GRIP2: variants seen among roughly 807,000 people sequenced by gnomAD.
The protein encoded by GRIP2 is glutamate receptor interacting protein 2.
In GRIP2, 58 loss-of-function variants were observed where a neutral mutation model predicts 108.3. That is an observed-to-expected ratio of 0.54 (90% CI 0.43 to 0.67). The LOEUF (loss-of-function observed/expected upper bound fraction) is 0.67. Among genes scored for constraint, GRIP2 ranks in the 30% least tolerant of loss-of-function variants. GRIP2 has a pLI of 0.00. For missense variants in GRIP2, 1,278 were observed against 1,430.6 expected, an observed-to-expected ratio of 0.89 and a Z score of 1.72; for synonymous variants, 586 against 598.2, an observed-to-expected ratio of 0.98 and a Z score of 0.30.
the GRIP2 span, among the ~76,000 whole-genome samples, chr3:14,564,040 A>G: frequency 7.9e-5 from 12 of 152,302 alleles, no homozygotes; most frequent in African/African-American, 2.6e-4. Flanking sequence ...AGCAGCCCCA[A>G]GGGAGGCTAA....
the GRIP2 span, among the ~76,000 whole-genome samples, chr3:14,561,272 C>A: frequency 6.6e-6 from 1 of 152,240 alleles, no homozygotes; most frequent in Non-Finnish European, 1.5e-5. Flanking sequence ...GCAGATCAGC[C>A]CGGCTGGGAG....
chr3:14,532,491 C>G (rs1348556628), intron 1 of GRIP2, among the ~76,000 whole-genome samples: 1 of 152,164 alleles, frequency 6.6e-6, no homozygotes, highest in Non-Finnish European at 1.5e-5. Context: ...GGAAGCTGAG[C>G]AGCATCCTTG....
the GRIP2 span, among the ~76,000 whole-genome samples, chr3:14,567,610 C>T: frequency 6.6e-6 from 1 of 152,310 alleles, no homozygotes; most frequent in East Asian, 1.9e-4. Context: ...CAAGGATTTT[C>T]ATGAGGCCCT....
At chr3:14,594,087 C>A in the GRIP2 span, among the ~76,000 whole-genome samples, 2 of 152,322 alleles carry the variant, frequency 1.3e-5, no homozygotes, top group East Asian at 3.9e-4. Context: ...CCTAGACCTG[C>A]CTGTTCTCTG....
chr3:14,593,561 T>C, the GRIP2 span, among the ~76,000 whole-genome samples: 9 of 152,224 alleles, frequency 5.9e-5, no homozygotes, highest in African/African-American at 2.2e-4. Context: ...AAGATGACCC[T>C]GAACATGGGT....
intron 21 of GRIP2, among the ~76,000 whole-genome samples, chr3:14,498,782 G>A (rs1049309456): frequency 1.4e-4 from 22 of 152,160 alleles, no homozygotes; most frequent in Admixed American, 9.2e-4. Flanking sequence ...CTTCAAACAC[G>A]TAGAGATGAT....
the GRIP2 span, among the ~76,000 whole-genome samples, chr3:14,580,422 G>A: frequency 6.6e-6 from 1 of 152,184 alleles, no homozygotes; most frequent in Non-Finnish European, 1.5e-5. Context: ...TGGGCTGGAC[G>A]CAATGGTGCA....
chr3:14,541,890 A>T, upstream of GRIP2: 1 of 1,336,812 alleles, frequency 7.5e-7, no homozygotes. Context: ...GGCCACCGGT[A>T]CCCTGGCAGT....
At chr3:14,510,350 T>G (rs1167387419) in intron 16 of GRIP2, among the ~76,000 whole-genome samples, 1 of 149,790 alleles carries the variant, frequency 6.7e-6, no homozygotes, top group African/African-American at 2.5e-5. Context: ...GCCATACCTC[T>G]GCTTCCAGGG....
chr3:14,602,559 C>T, the GRIP2 span, among the ~76,000 whole-genome samples: 1 of 151,746 alleles, frequency 6.6e-6, no homozygotes, highest in African/African-American at 2.4e-5. This position sits in a 1 kb window ranked among gnomAD's most constrained non-coding sequence, Gnocchi z 4.7. Flanking sequence ...CCTCGCCAAG[C>T]CAGGGCTCCC....
the GRIP2 span, among the ~76,000 whole-genome samples, chr3:14,590,417 G>A: frequency 6.6e-6 from 1 of 152,124 alleles, no homozygotes; most frequent in Non-Finnish European, 1.5e-5. Flanking sequence ...TATACAAAAT[G>A]TTTTACTTTT....
At chr3:14,516,736 C>CA (rs889982629) in intron 11 of GRIP2, among the ~76,000 whole-genome samples, 1 of 152,078 alleles carries the variant, frequency 6.6e-6, no homozygotes, top group African/African-American at 2.4e-5. Context: ...GACTGAATGG[C>CA]AAAAAATGTG....
At chr3:14,560,606 TGGA>T (rs1200222746), upstream of GRIP2, among the ~76,000 whole-genome samples, 1 of 152,076 alleles carries the variant, frequency 6.6e-6, no homozygotes, top group Non-Finnish European at 1.5e-5. Flanking sequence ...TCTGGAGGTG[TGGA>T]GAAGCTGTGT....
chr3:14,495,972 C>T (rs1292048316), intron 22 of GRIP2, among the ~76,000 whole-genome samples: 1 of 151,972 alleles, frequency 6.6e-6, no homozygotes, highest in Non-Finnish European at 1.5e-5. Flanking sequence ...CTGTTGAAAC[C>T]CTGTCTCTAA....
upstream of GRIP2, chr3:14,540,391 C>T (rs752134168): frequency 2.5e-6 from 4 of 1,609,812 alleles, no homozygotes; most frequent in Non-Finnish European, 3.4e-6. This position sits in a 1 kb window ranked among gnomAD's most constrained non-coding sequence, Gnocchi z 4.1. Flanking sequence ...CAGGGAGGGG[C>T]TGTGGGAGGG....
the GRIP2 span, among the ~76,000 whole-genome samples, chr3:14,566,750 C>T: frequency 4.3e-3 from 661 of 152,242 alleles, 6 homozygotes; most frequent in Middle Eastern, 0.017. Context: ...CCAATCTTGC[C>T]CTTAACCCTG....
chr3:14,506,770 T>C, intron 19 of GRIP2, 31 bp downstream of exon 19: 1 of 1,547,810 alleles, frequency 6.5e-7, no homozygotes. Flanking sequence ...AGAGAGAGCG[T>C]GCCACTTGTC....
At position 14,511,066 on chromosome 3, in the gene GRIP2, C is replaced by CT; in HGVS notation, c.1933+98dup. 7.0e-7 allele frequency: 1 copy of CT among 1,418,836 alleles called. No individual in the cohort carries two copies. Among genetic ancestry groups the CT allele is most frequent in the East Asian group, 2.4e-5 (1 of 41,424 alleles). 87.9% of individuals were successfully genotyped at this position (1,418,836 alleles called of 1,614,324 possible). A position where few individuals can be genotyped will look rare whatever the true frequency, so the allele number is the denominator to read the frequency against. On this transcript the variant is annotated intron_variant, in intron 16 of 23. Transcript: ENST00000621039. This position sits in a 1 kb window ranked among gnomAD's most constrained non-coding sequence, Gnocchi z 4.1. ...CCAGCCTTCAGCAGCGCCCACCACC[C>CT]TCCCTTCCTCGGCTGGAGGGAGCCC...
upstream of GRIP2, among the ~76,000 whole-genome samples, chr3:14,545,603 G>C (rs973168640): frequency 6.6e-6 from 1 of 152,236 alleles, no homozygotes; most frequent in African/African-American, 2.4e-5. Flanking sequence ...TTCCCTCCTG[G>C]AGGACAGGAC....
Sources: gnomAD v4.1 joint callset for allele counts (sites outside exome capture counted in the v4.1 genomes callset) on GRCh38, gnomAD v4.1.1 for gene constraint, Gnocchi (gnomAD v3.1) non-coding constraint, MANE v1.5 for transcripts, NCBI Gene and HGNC (gene_info 2026-07-23, HGNC 2026-07-21) for gene names.